CAMK1D: variants seen among roughly 807,000 people sequenced by gnomAD.
CAMK1D encodes calcium/calmodulin dependent protein kinase ID, also known as calcium/calmodulin-dependent protein kinase type 1D.
In CAMK1D, 9 loss-of-function variants were observed where a neutral mutation model predicts 47.7. The observed-to-expected ratio is 0.19, with a 90% CI of 0.11 to 0.33. CAMK1D has a LOEUF of 0.33. Ranked by LOEUF, CAMK1D falls within the 10% of genes least tolerant of loss-of-function variation. The pLI is 1.00. For missense variants in CAMK1D, 291 were observed against 488.7 expected, an observed-to-expected ratio of 0.60 and a Z score of 3.81; for synonymous variants, 184 against 184.9, an observed-to-expected ratio of 0.99 and a Z score of 0.04.
intron 1 of CAMK1D, among the ~76,000 whole-genome samples, chr10:12,407,963 TC>T (rs1839505098): frequency 1.3e-5 from 2 of 150,352 alleles, no homozygotes; most frequent in African/African-American, 4.9e-5. Flanking sequence ...GTTCAAGTGA[TC>T]CTACTGCCTC....
chr10:12,376,054 TC>T (rs1295612129), intron 1 of CAMK1D, among the ~76,000 whole-genome samples: 1 of 146,466 alleles, frequency 6.8e-6, no homozygotes, highest in Non-Finnish European at 1.5e-5. Context: ...TCCCAGCTAC[TC>T]GGGAGGCTGA....
intron 3 of CAMK1D, among the ~76,000 whole-genome samples, chr10:12,691,942 C>T (rs995192219): frequency 1.2e-4 from 19 of 152,156 alleles, no homozygotes; most frequent in Non-Finnish European, 2.8e-4. Context: ...TGGCCAGCAA[C>T]AATGAAGGCA....
chr10:12,439,053 G>A (rs757520465), intron 1 of CAMK1D, among the ~76,000 whole-genome samples: 15 of 152,168 alleles, frequency 9.9e-5, no homozygotes, highest in Non-Finnish European at 1.5e-4. Flanking sequence ...TCATTTGCCC[G>A]TCACGTGTGG....
rs547666708 is a variant in CAMK1D, at chr10:12,480,359, C to T, written c.93-72866C>T. Among the ~76,000 whole-genome samples the T allele has an allele frequency of 9.9e-5, 15 of 151,436 alleles. No individual in the cohort carries two copies. In the South Asian group the frequency reaches 1.3e-3, roughly 13 times the overall value. ...CTGAGGCAGGAGAATCACTGGAACC[C>T]GGGAGGCGGAGGTTGCAGTGAGCCG... On this transcript the variant is annotated intron_variant, in intron 1 of 10. Coordinates refer to ENST00000619168, the MANE Select transcript of CAMK1D (RefSeq NM_153498.4).
intron 3 of CAMK1D, among the ~76,000 whole-genome samples, chr10:12,738,276 G>A (rs1835269347): frequency 6.6e-6 from 1 of 152,186 alleles, no homozygotes; most frequent in Non-Finnish European, 1.5e-5. Flanking sequence ...TTTTAACCTT[G>A]TGTAACTAGT....
At chr10:12,643,467 T>C (rs1381254723) in intron 2 of CAMK1D, among the ~76,000 whole-genome samples, 1 of 152,146 alleles carries the variant, frequency 6.6e-6, no homozygotes, top group African/African-American at 2.4e-5. Flanking sequence ...CTGCTCCCCA[T>C]CCATCACCCG....
At chr10:12,584,370 A>T (rs756854153) in intron 2 of CAMK1D, among the ~76,000 whole-genome samples, 5 of 152,190 alleles carry the variant, frequency 3.3e-5, no homozygotes, top group African/African-American at 4.8e-5. Flanking sequence ...AGAGATAATG[A>T]CCATGCTGGT....
At position 12,729,096 on chromosome 10, in the gene CAMK1D, G is replaced by A. The variant is rs117300980; in HGVS notation, c.300-31852G>A. On this transcript the variant is annotated intron_variant, in intron 3 of 10. Coordinates refer to ENST00000619168, the MANE Select transcript of CAMK1D (RefSeq NM_153498.4). ...GTCATGCTGTCCTTTGTGCCTTCAT[G>A]TCATCGTGGTTGGGCACCATAGAAT... Among the ~76,000 whole-genome samples the A allele has an allele frequency of 3.4e-3, 515 of 152,302 alleles. 23 individuals carry two copies. The East Asian group carries it at 0.093, about 28-fold the overall frequency.
At chr10:12,533,228 A>G (rs1835865620) in intron 1 of CAMK1D, among the ~76,000 whole-genome samples, 5 of 152,162 alleles carry the variant, frequency 3.3e-5, no homozygotes, top group Admixed American at 6.5e-5. Context: ...AAAAATTAAA[A>G]CAGTGTTAAA....
At chr10:12,589,966 A>G (rs1357032297) in intron 2 of CAMK1D, among the ~76,000 whole-genome samples, 6 of 152,310 alleles carry the variant, frequency 3.9e-5, no homozygotes, top group East Asian at 1.9e-4. Context: ...CCAAGGGGAA[A>G]GAACAGGAGC....
intron 2 of CAMK1D, among the ~76,000 whole-genome samples, chr10:12,562,636 A>G (rs1333631115): frequency 1.3e-5 from 2 of 152,140 alleles, no homozygotes; most frequent in African/African-American, 2.4e-5. Flanking sequence ...AGGAACAGAT[A>G]ATTGCATCTT....
At chr10:12,430,818 T>G (rs913365333) in intron 1 of CAMK1D, among the ~76,000 whole-genome samples, 1 of 152,308 alleles carries the variant, frequency 6.6e-6, no homozygotes. Flanking sequence ...TGGTGCAATC[T>G]CAGCTCACTG....
intron 3 of CAMK1D, among the ~76,000 whole-genome samples, chr10:12,706,008 A>G (rs892519427): frequency 9.9e-5 from 15 of 152,244 alleles, no homozygotes; most frequent in Non-Finnish European, 1.5e-5. Context: ...TTAGATAATT[A>G]CAGTGCAGTA....
At position 12,553,349 on chromosome 10, in the gene CAMK1D, C is replaced by T. The variant is rs1836650055; in HGVS notation, c.217C>T (p.Leu73=). ...CAGCATAGAGAATGAGATAGCCGTC[C>T]TGAGAAAGTAAGTGCTGGAGGGCAA... ...ESSIENEIAV[L]RKIKHENIVA... is the part of the protein sequence containing the mutation. The change falls in exon 2 of 11, where the codon CTG becomes TTG. Residue 73 remains leucine, a synonymous_variant. Transcript: ENST00000619168. 6.2e-7 allele frequency: 1 copy of T among 1,611,794 alleles called. No individual in the cohort carries two copies. The highest frequency in any genetic ancestry group is 8.5e-7 in the Non-Finnish European group (1 of 1,177,890).
At chr10:12,622,900 A>G (rs973357719) in intron 2 of CAMK1D, among the ~76,000 whole-genome samples, 46 of 152,014 alleles carry the variant, frequency 3.0e-4, no homozygotes, top group African/African-American at 1.1e-3. Context: ...ACAACAGTCA[A>G]GGCTTGTGTG....
Position 12,435,912 on chromosome 10 carries a change from A to G in CAMK1D, c.92+86002A>G, listed in dbSNP as rs148857587. ...TGCATGTTCCTTTACAGAGTAGGTT[A>G]AGAAGGGATCAGATGCTAGAGCTTG... On this transcript the variant is annotated intron_variant, in intron 1 of 10. Transcript: ENST00000619168. 1.6e-3 allele frequency among the ~76,000 whole-genome samples: 246 copies of G among 152,252 alleles called. 2 individuals carry two copies. The highest frequency in any genetic ancestry group is 5.8e-3 in the African/African-American group (240 of 41,548).
intron 1 of CAMK1D, among the ~76,000 whole-genome samples, chr10:12,405,958 G>A (rs531514186): frequency 1.3e-5 from 2 of 152,168 alleles, no homozygotes; most frequent in Non-Finnish European, 1.5e-5. Context: ...GGGAGAAAGG[G>A]CAAATGCGAG....
chr10:12,483,263 G>A (rs1408999312), intron 1 of CAMK1D, among the ~76,000 whole-genome samples: 2 of 152,052 alleles, frequency 1.3e-5, no homozygotes, highest in Non-Finnish European at 2.9e-5. Flanking sequence ...GTGCAGTGGC[G>A]TGATCATAGC....
rs917489331 is a variant in CAMK1D, at chr10:12,525,567, T to C, written c.93-27658T>C. ...TGTGTTTCAAGTCTAAAATTCACAT[T>C]TTTTCCAAAATTTTTACTTCTAAAA... On this transcript the variant is annotated intron_variant, in intron 1 of 10. Coordinates refer to ENST00000619168, the MANE Select transcript of CAMK1D (RefSeq NM_153498.4). Among the ~76,000 whole-genome samples, 3 of 152,206 alleles carry C rather than the reference T, an allele frequency of 2.0e-5. No individual in the cohort carries two copies. The South Asian group carries it at 6.2e-4, about 31-fold the overall frequency.
Sources: gnomAD v4.1 joint callset for allele counts (sites outside exome capture counted in the v4.1 genomes callset) on GRCh38, gnomAD v4.1.1 for gene constraint, MANE v1.5 for transcripts, NCBI Gene and HGNC (gene_info 2026-07-23, HGNC 2026-07-21) for gene names.